The following MBD5 variants were observed in gnomAD, a reference collection of about 807,000 sequenced individuals.
MBD5 encodes the protein methyl-CpG binding domain protein 5, also known as methyl-CpG-binding domain protein 5.
In MBD5, 13 loss-of-function variants were observed where a neutral mutation model predicts 117.3. That is an observed-to-expected ratio of 0.11 (90% confidence interval 0.07 to 0.18). The LOEUF is 0.18. Among genes scored for constraint, MBD5 ranks in the 10% least tolerant of loss-of-function variants. The probability of loss-of-function intolerance (pLI) is 1.00; values close to 1 mark genes in which losing one functional copy is unlikely to be tolerated. For synonymous variants in MBD5, 727 were observed against 766.4 expected (o/e 0.95, Z 0.85); for missense variants, 1,879 against 2,093.8 (o/e 0.90, Z 2.00).
chr2:148,253,447 A>T (rs904970055), intron 3 of MBD5, among the ~76,000 whole-genome samples: 1 of 152,172 alleles, frequency 6.6e-6, no homozygotes, highest in Non-Finnish European at 1.5e-5. Flanking sequence ...TATGTAGTAC[A>T]TATTGGTTGC....
At chr2:148,426,333 C>T (rs1240687827) in intron 4 of MBD5, among the ~76,000 whole-genome samples, 3 of 151,994 alleles carry the variant, frequency 2.0e-5, no homozygotes, top group African/African-American at 4.8e-5. Context: ...AAAAAGAGCC[C>T]GCATCGCAAA....
At chr2:148,211,674 A>G (rs1699425044) in intron 2 of MBD5, among the ~76,000 whole-genome samples, 2 of 152,236 alleles carry the variant, frequency 1.3e-5, no homozygotes, top group South Asian at 4.1e-4. Context: ...ACAAACAAGT[A>G]CATCCCTACA....
chr2:148,496,488 G>A (rs982820245), intron 11 of MBD5, among the ~76,000 whole-genome samples: 10 of 152,156 alleles, frequency 6.6e-5, no homozygotes, highest in Non-Finnish European at 7.4e-5. Context: ...CATTCGCATA[G>A]GTAACTGAGC....
chr2:148,384,381 A>G (rs1348660184), intron 4 of MBD5, among the ~76,000 whole-genome samples: 1 of 151,858 alleles, frequency 6.6e-6, no homozygotes, highest in Non-Finnish European at 1.5e-5. Context: ...AGAGAATAAA[A>G]TACCTAGGAA....
intron 1 of MBD5, among the ~76,000 whole-genome samples, chr2:148,053,223 A>G (rs1169525813): frequency 6.6e-6 from 1 of 152,142 alleles, no homozygotes; most frequent in Non-Finnish European, 1.5e-5. Context: ...ATATGTTGAT[A>G]ACTGTTATAT....
At chr2:148,311,252 A>G (rs1459691726) in intron 3 of MBD5, among the ~76,000 whole-genome samples, 1 of 152,174 alleles carries the variant, frequency 6.6e-6, no homozygotes, top group Non-Finnish European at 1.5e-5. Context: ...GGGGCATTAA[A>G]GTCTCCCACT....
chr2:148,407,458 T>G (rs950906974), intron 4 of MBD5, among the ~76,000 whole-genome samples: 2 of 152,076 alleles, frequency 1.3e-5, no homozygotes, highest in African/African-American at 4.8e-5. Context: ...AAAAACATAA[T>G]TTATATAGTA....
rs187592341 is a variant in MBD5 at position 148,423,893 on chromosome 2, T to C, written c.-556-34310T>C. On this transcript the variant is annotated intron_variant, in intron 4 of 13. Transcript: ENST00000642680. ...AATGGAAAGCAATAAAAAGCAGGGG[T>C]TGTGGCCAGGCATGGTGGCTCACGC... Among the ~76,000 whole-genome samples, 96 of 151,806 alleles carry C rather than the reference T, an allele frequency of 6.3e-4. 1 individual carries two copies. The highest frequency in any genetic ancestry group is 2.1e-3 in the African/African-American group (85 of 41,456).
rs16828172 is a variant in MBD5, at chr2:148,033,787, G to A, written c.-925+12103G>A. 7.1e-3 allele frequency among the ~76,000 whole-genome samples: 1,076 copies of A among 152,248 alleles called. 11 individuals carry two copies. Among genetic ancestry groups the A allele is most frequent in the African/African-American group, 0.024 (1,010 of 41,542 alleles). On this transcript the variant is annotated intron_variant, in intron 1 of 13. Transcript: ENST00000642680. ...AGGTGATCTTGAACTTAATTTTCTC[G>A]CATTCTCAGGTACAGCAGACCATGC...
intron 4 of MBD5, among the ~76,000 whole-genome samples, chr2:148,409,927 A>G (rs975553010): frequency 3.9e-5 from 6 of 152,126 alleles, no homozygotes; most frequent in Non-Finnish European, 7.4e-5. Flanking sequence ...TGAATGTTTT[A>G]TAGATTATTC....
At chr2:148,475,858 T>C (rs1680946833) in intron 8 of MBD5, among the ~76,000 whole-genome samples, 1 of 152,196 alleles carries the variant, frequency 6.6e-6, no homozygotes, top group Admixed American at 6.6e-5. Context: ...ATGCATGTAG[T>C]ACTAAATAAT....
At chr2:148,283,383 A>T (rs1701295328) in intron 3 of MBD5, among the ~76,000 whole-genome samples, 1 of 152,228 alleles carries the variant, frequency 6.6e-6, no homozygotes, top group East Asian at 1.9e-4. Context: ...AGTGAAGTAG[A>T]TCTACATTAT....
chr2:148,109,345 A>T (rs1177973720), intron 1 of MBD5, among the ~76,000 whole-genome samples: 2 of 152,212 alleles, frequency 1.3e-5, no homozygotes, highest in Admixed American at 1.3e-4. Context: ...ATAAAAATAG[A>T]TAATGTGCAA....
chr2:148,182,243 A>G (rs1201572049), intron 2 of MBD5, among the ~76,000 whole-genome samples: 1 of 152,148 alleles, frequency 6.6e-6, no homozygotes, highest in Non-Finnish European at 1.5e-5. Context: ...ATAAATAGCT[A>G]TTGAACCTTA....
At chr2:148,344,008 A>G (rs1043887570) in intron 4 of MBD5, among the ~76,000 whole-genome samples, 5 of 151,778 alleles carry the variant, frequency 3.3e-5, no homozygotes, top group East Asian at 1.9e-4. Context: ...TAGTGGTCCA[A>G]TTTCATTCTT....
chr2:148,285,217 A>T (rs1701341998), intron 3 of MBD5, among the ~76,000 whole-genome samples: 1 of 152,236 alleles, frequency 6.6e-6, no homozygotes, highest in Admixed American at 6.5e-5. Context: ...GCACTCTGTT[A>T]TTCTGAATAA....
intron 1 of MBD5, chr2:148,071,567 C>T (rs1241195646): frequency 6.6e-6 from 1 of 152,084 alleles, no homozygotes; most frequent in Non-Finnish European, 1.5e-5. Flanking sequence ...TACATAAGAT[C>T]TCTCAGTGCT....
At chr2:148,083,083 G>A (rs1366031920) in intron 1 of MBD5, among the ~76,000 whole-genome samples, 1 of 152,130 alleles carries the variant, frequency 6.6e-6, no homozygotes, top group Non-Finnish European at 1.5e-5. Context: ...TCTGAGCTCT[G>A]TTGTCATGTT....
chr2:148,370,477 C>G (rs1297307884), intron 4 of MBD5, among the ~76,000 whole-genome samples: 2 of 151,636 alleles, frequency 1.3e-5, no homozygotes, highest in African/African-American at 2.4e-5. Context: ...GCACGATAGC[C>G]TATTTATTTA....
Sources: allele counts gnomAD v4.1 joint callset (sites outside exome capture counted in the v4.1 genomes callset), GRCh38; gene constraint gnomAD v4.1.1; transcripts MANE v1.5; gene names NCBI Gene and HGNC (gene_info 2026-07-23, HGNC 2026-07-21).